ZNF385B: variants seen among roughly 807,000 people sequenced by gnomAD.
The protein encoded by ZNF385B is zinc finger protein 385B.
In ZNF385B, 23 loss-of-function variants were observed where a neutral mutation model predicts 39.2. The observed-to-expected ratio is 0.59, with a 90% CI of 0.42 to 0.83. The LOEUF is 0.83. Among genes scored for constraint, ZNF385B ranks in the 40% least tolerant of loss-of-function variants. The probability of loss-of-function intolerance (pLI) is 0.00; values close to 1 mark genes in which losing one functional copy is unlikely to be tolerated. For synonymous variants in ZNF385B, 205 were observed against 222.6 expected (o/e 0.92, Z 0.70); for missense variants, 552 against 598.9 (o/e 0.92, Z 0.82).
At position 179,544,891 on chromosome 2, in the gene ZNF385B, T is replaced by C; in HGVS notation, c.377A>G (p.Lys126Arg). The C allele has an allele frequency of 6.2e-7, 1 of 1,614,112 alleles. No individual in the cohort carries two copies. The highest frequency in any genetic ancestry group is 8.5e-7 in the Non-Finnish European group (1 of 1,179,978). ...TLMMQPSLDI[K>R]PFMSFPVDSS... ...GTCCACTGGAAAAGACATAAATGGTTTGATATCCAGTGAAGGCTGCATCAT... is the reference window on the plus strand; with the variant it reads ...GTCCACTGGAAAAGACATAAATGGTCTGATATCCAGTGAAGGCTGCATCAT... The change falls in exon 4 of 10, where the codon AAA becomes AGA. Residue 126 changes from lysine (K) to arginine (R), a missense_variant. Coordinates refer to ENST00000410066, the MANE Select transcript of ZNF385B (RefSeq NM_152520.6).
At chr2:179,562,856 T>C (rs180772583) in intron 3 of ZNF385B, among the ~76,000 whole-genome samples, 3 of 152,350 alleles carry the variant, frequency 2.0e-5, no homozygotes. Flanking sequence ...GTATCACTTA[T>C]ATGTCAAGGG....
In ZNF385B at chr2:179,755,531, G is replaced by T. The variant is rs550869536; in HGVS notation, c.298+13972C>A. Among the ~76,000 whole-genome samples, 4 of 152,262 alleles carry T rather than the reference G, an allele frequency of 2.6e-5. No homozygotes were observed. In the South Asian group the frequency reaches 8.3e-4, roughly 32 times the overall value. ...TGATGTGTCTAATGTTGACAGTGGG[G>T]TGTTAAAGTCTCTCATTATTATTTT... On this transcript the variant is annotated intron_variant, in intron 3 of 9. Transcript: ENST00000410066.
At chr2:179,784,832 C>T (rs1704891877) in intron 1 of ZNF385B, among the ~76,000 whole-genome samples, 1 of 151,976 alleles carries the variant, frequency 6.6e-6, no homozygotes, top group South Asian at 2.1e-4. Context: ...CTTGTATACG[C>T]CGGTGGAAGT....
chr2:179,816,754 C>T (rs566295849), intron 1 of ZNF385B, among the ~76,000 whole-genome samples: 13 of 152,306 alleles, frequency 8.5e-5, no homozygotes, highest in Admixed American at 2.0e-4. Context: ...TAAAAGCTCA[C>T]ATTTTTAAAC....
chr2:179,807,623 C>T (rs1251080438), intron 1 of ZNF385B, among the ~76,000 whole-genome samples: 4 of 151,496 alleles, frequency 2.6e-5, no homozygotes, highest in Middle Eastern at 3.4e-3. Context: ...AGGCCAGGTG[C>T]GGTGGCTCAC....
intron 6 of ZNF385B, among the ~76,000 whole-genome samples, chr2:179,455,486 A>G (rs2050590361): frequency 1.3e-5 from 2 of 152,044 alleles, no homozygotes; most frequent in Non-Finnish European, 2.9e-5. Context: ...CCTTGCTGCC[A>G]CCATGTGAAG....
intron 1 of ZNF385B, among the ~76,000 whole-genome samples, chr2:179,782,459 A>G (rs978973853): frequency 2.0e-5 from 3 of 152,188 alleles, no homozygotes; most frequent in Non-Finnish European, 4.4e-5. Context: ...TTTCTATTCA[A>G]CATAGTATTG....
intron 3 of ZNF385B, among the ~76,000 whole-genome samples, chr2:179,590,896 T>A (rs1047376072): frequency 1.3e-5 from 2 of 152,184 alleles, no homozygotes; most frequent in African/African-American, 4.8e-5. Flanking sequence ...CAATTAAAAC[T>A]CTTTCCTTTA....
At chr2:179,753,484 G>T (rs1702812063) in intron 3 of ZNF385B, among the ~76,000 whole-genome samples, 1 of 152,174 alleles carries the variant, frequency 6.6e-6, no homozygotes, top group Admixed American at 6.5e-5. Context: ...GAAAGTCACT[G>T]GTAGCTTGAT....
intron 3 of ZNF385B, among the ~76,000 whole-genome samples, chr2:179,695,472 G>T (rs948807530): frequency 6.6e-6 from 1 of 151,828 alleles, no homozygotes; most frequent in East Asian, 1.9e-4. Flanking sequence ...ATATATAAAG[G>T]TATTATATAT....
chr2:179,452,845 C>T (rs903483704), intron 6 of ZNF385B, among the ~76,000 whole-genome samples: 1 of 152,100 alleles, frequency 6.6e-6, no homozygotes, highest in Non-Finnish European at 1.5e-5. Context: ...TGTGGCTATA[C>T]TGTCTCTGTT....
intron 4 of ZNF385B, among the ~76,000 whole-genome samples, chr2:179,521,287 A>G (rs900377236): frequency 6.6e-6 from 1 of 150,808 alleles, no homozygotes; most frequent in Non-Finnish European, 1.5e-5. Flanking sequence ...CCTGAGTTCA[A>G]GCAATTCTCC....
intron 1 of ZNF385B, among the ~76,000 whole-genome samples, chr2:179,858,110 C>T (rs1684742966): frequency 6.6e-6 from 1 of 151,922 alleles, no homozygotes; most frequent in Non-Finnish European, 1.5e-5. Context: ...CTGTGACAGC[C>T]TCTAGAAACA....
At chr2:179,741,452 C>T (rs112890243) in intron 3 of ZNF385B, among the ~76,000 whole-genome samples, 80 of 152,142 alleles carry the variant, frequency 5.3e-4, no homozygotes, top group African/African-American at 1.8e-3. Context: ...GGGGATTTTG[C>T]AATATGGCCT....
rs1427510532 is a variant in ZNF385B at position 179,737,576 on chromosome 2, G to A, written c.298+31927C>T. Among the ~76,000 whole-genome samples, 3 of 152,012 alleles carry A rather than the reference G, an allele frequency of 2.0e-5. No homozygotes were observed. The East Asian group carries it at 5.8e-4, about 29-fold the overall frequency. On this transcript the variant is annotated intron_variant, in intron 3 of 9. Coordinates refer to ENST00000410066, the MANE Select transcript of ZNF385B (RefSeq NM_152520.6). ...ATTAAGACATCTATGATTGAAAAAA[G>A]AATCTAAAAATAACAACAGCTGAAT...
At chr2:179,595,400 C>T (rs1687912193) in intron 3 of ZNF385B, among the ~76,000 whole-genome samples, 1 of 152,124 alleles carries the variant, frequency 6.6e-6, no homozygotes, top group South Asian at 2.1e-4. Flanking sequence ...TATATGTTCT[C>T]CCATGGATGG....
chr2:179,787,234 T>C (rs1705059058), intron 1 of ZNF385B, among the ~76,000 whole-genome samples: 1 of 152,066 alleles, frequency 6.6e-6, no homozygotes, highest in Non-Finnish European at 1.5e-5. Flanking sequence ...TTTAAGTTTT[T>C]ATTTTTAATA....
intron 5 of ZNF385B, among the ~76,000 whole-genome samples, chr2:179,514,863 C>T (rs142071518): frequency 1.1e-4 from 16 of 151,582 alleles, no homozygotes; most frequent in Non-Finnish European, 1.9e-4. Flanking sequence ...ACTGCAACCT[C>T]TGCCACCTGG....
chr2:179,489,922 C>T (rs1251409562), intron 5 of ZNF385B, among the ~76,000 whole-genome samples: 2 of 152,142 alleles, frequency 1.3e-5, no homozygotes, highest in Non-Finnish European at 2.9e-5. Context: ...GGTATAATGT[C>T]TTTGCTAATT....
Sources: gnomAD v4.1 joint callset for allele counts (sites outside exome capture counted in the v4.1 genomes callset) on GRCh38, gnomAD v4.1.1 for gene constraint, MANE v1.5 for transcripts, NCBI Gene and HGNC (gene_info 2026-07-23, HGNC 2026-07-21) for gene names.